The following PATJ variants were observed in gnomAD, a reference collection of about 807,000 sequenced individuals.
PATJ encodes the protein PATJ crumbs cell polarity complex component, also known as inaD-like protein.
PATJ carries 190 observed loss-of-function variants against 224.9 expected under a neutral mutation model. The observed-to-expected ratio is 0.84, with a 90% confidence interval of 0.75 to 0.95. PATJ has a LOEUF of 0.95. Among genes scored for constraint, PATJ ranks in the 40% least tolerant of loss-of-function variants. The probability of loss-of-function intolerance (pLI) is 0.00; values close to 1 mark genes in which losing one functional copy is unlikely to be tolerated. For missense variants in PATJ, 2,121 were observed against 2,270.3 expected (o/e 0.93, Z 1.34); for synonymous variants, 769 against 820.3 (o/e 0.94, Z 1.07).
In PATJ at chr1:62,121,152, C is replaced by A. The variant is rs138839083; in HGVS notation, c.4891-29C>A. 133 of 1,463,034 alleles carry A rather than the reference C, an allele frequency of 9.1e-5. 1 individual carries two copies. In the African/African-American group the frequency reaches 1.5e-3, roughly 16 times the overall value. 90.6% of individuals were successfully genotyped at this position (1,463,034 alleles called of 1,614,324 possible). On this transcript the variant is annotated intron_variant, in intron 37 of 43. Coordinates refer to ENST00000642238, the MANE Select transcript of PATJ (RefSeq NM_001350145.3). ...TTAGGGGGTCAAGTCAGTGTCTGCA[C>A]ACAGGTGACCCCTGGGTCTTTCTTT...
At position 62,128,849 on chromosome 1, in the gene PATJ, T is replaced by C; in HGVS notation, c.5175T>C (p.Asp1725=). 2 of 1,609,002 alleles carry C rather than the reference T, an allele frequency of 1.2e-6. No homozygotes were observed. The highest frequency in any genetic ancestry group is 1.7e-6 in the Non-Finnish European group (2 of 1,175,444). The change falls in exon 41 of 44, where the codon GAT becomes GAC. Residue 1725 remains aspartate (D), a synonymous_variant. Coordinates refer to ENST00000642238, the MANE Select transcript of PATJ (RefSeq NM_001350145.3). ...AARTQKLKVG[D]RIVSINGQPL... is the part of the protein sequence containing the mutation. ...CATTTTTGTACTTCCAGGTTGGAGA[T>C]CGGATTGTCAGCATTAACGGGCAAC...
intron 43 of PATJ, among the ~76,000 whole-genome samples, chr1:62,154,285 A>G (rs1251858702): frequency 2.0e-5 from 3 of 152,044 alleles, no homozygotes; most frequent in Non-Finnish European, 4.4e-5. Context: ...TTTCAAATTG[A>G]TACTACAGTT....
intron 34 of PATJ, among the ~76,000 whole-genome samples, chr1:62,112,681 T>C (rs904268886): frequency 6.6e-6 from 1 of 152,232 alleles, no homozygotes; most frequent in African/African-American, 2.4e-5. Flanking sequence ...GCTGGACTTA[T>C]CCTTCCCCTC....
At chr1:61,766,896 T>C (rs952230773) in intron 4 of PATJ, among the ~76,000 whole-genome samples, 4 of 152,030 alleles carry the variant, frequency 2.6e-5, no homozygotes, top group Non-Finnish European at 4.4e-5. Flanking sequence ...AGTTTGAGAC[T>C]AGCCCGACCA....
chr1:61,887,038 G>A (rs1276242336), intron 22 of PATJ, among the ~76,000 whole-genome samples: 3 of 150,690 alleles, frequency 2.0e-5, no homozygotes, highest in Admixed American at 2.0e-4. Context: ...CAAGGCAATG[G>A]GAAAATATAT....
At chr1:62,105,517 G>A (rs887844871) in intron 33 of PATJ, among the ~76,000 whole-genome samples, 2 of 152,028 alleles carry the variant, frequency 1.3e-5, no homozygotes, top group Non-Finnish European at 2.9e-5. Context: ...CATTAGTGTC[G>A]CAGGGATCAC....
intron 27 of PATJ, among the ~76,000 whole-genome samples, chr1:61,956,465 C>T (rs1486537272): frequency 6.6e-6 from 1 of 152,058 alleles, no homozygotes; most frequent in African/African-American, 2.4e-5. Flanking sequence ...AGTGCAGGTA[C>T]AAGAGCAGGC....
At chr1:62,015,773 G>A (rs984420963) in intron 28 of PATJ, among the ~76,000 whole-genome samples, 1 of 152,120 alleles carries the variant, frequency 6.6e-6, no homozygotes, top group Admixed American at 6.5e-5. Context: ...CTGGAATGCA[G>A]TGGCGCCATC....
intron 22 of PATJ, among the ~76,000 whole-genome samples, chr1:61,896,862 A>G (rs1670445701): frequency 2.0e-5 from 3 of 152,266 alleles, no homozygotes; most frequent in Admixed American, 6.5e-5. Flanking sequence ...ACCTTCTGCC[A>G]TGTTTGTAAG....
chr1:61,949,215 TAAAAAA>T (rs766673205), intron 27 of PATJ, among the ~76,000 whole-genome samples: 7 of 145,314 alleles, frequency 4.8e-5, no homozygotes, highest in Non-Finnish European at 1.1e-4. Flanking sequence ...AGTATAATAA[TAAAAAA>T]AAAGAAAAAA....
chr1:61,826,132 G>A (rs1453699504), intron 15 of PATJ, among the ~76,000 whole-genome samples: 3 of 152,226 alleles, frequency 2.0e-5, no homozygotes, highest in African/African-American at 7.2e-5. Context: ...TCTTTACCAT[G>A]TGGTGGTTTC....
At chr1:61,750,678 T>C (rs755875890) in intron 1 of PATJ, among the ~76,000 whole-genome samples, 6 of 151,976 alleles carry the variant, frequency 3.9e-5, no homozygotes, top group Non-Finnish European at 8.8e-5. Context: ...CAACCTCAGG[T>C]GTTCTGCCTG....
intron 1 of PATJ, among the ~76,000 whole-genome samples, chr1:61,756,325 C>A (rs956574790): frequency 6.6e-6 from 1 of 152,006 alleles, no homozygotes; most frequent in Admixed American, 6.6e-5. Context: ...CACTTTTGCA[C>A]CTGTATGCAG....
At chr1:62,013,613 A>T (rs1411661776) in intron 28 of PATJ, 10 of 634,666 alleles carry the variant, frequency 1.6e-5, no homozygotes, top group Non-Finnish European at 2.0e-5. Flanking sequence ...GTGCAAGAAG[A>T]GAAATTTTTT....
rs115012938 is a variant in PATJ at position 62,013,313 on chromosome 1, T to A, written c.3868-4543T>A. 2,372 of 984,730 alleles carry A rather than the reference T, an allele frequency of 2.4e-3. 53 individuals are homozygous for A. In the African/African-American group the frequency reaches 0.038, roughly 16 times the overall value. The allele number at this position is 984,730 out of a possible 1,614,324, so 61.0% of individuals were successfully genotyped here. Reference sequence around the variant, plus strand: ...TTTCCTACATGCTCAAGCGTTTTGCTGATCAAAACCATTTTTTTTTTAACC... The same window carrying A: ...TTTCCTACATGCTCAAGCGTTTTGCAGATCAAAACCATTTTTTTTTTAACC... On this transcript the variant is annotated intron_variant, in intron 28 of 43. Transcript: ENST00000642238.
At chr1:62,010,288 A>C (rs979792281) in intron 28 of PATJ, among the ~76,000 whole-genome samples, 10 of 151,096 alleles carry the variant, frequency 6.6e-5, no homozygotes, top group African/African-American at 2.4e-4. Context: ...AAAGTCATTC[A>C]TGAGAGTTGT....
At chr1:61,856,842 C>G (rs903878396) in intron 18 of PATJ, among the ~76,000 whole-genome samples, 1 of 152,196 alleles carries the variant, frequency 6.6e-6, no homozygotes, top group African/African-American at 2.4e-5. Flanking sequence ...ATCTGCCTGC[C>G]TTGGCCTCCC....
intron 5 of PATJ, among the ~76,000 whole-genome samples, chr1:61,770,465 C>A (rs1646534904): frequency 6.6e-6 from 1 of 152,126 alleles, no homozygotes; most frequent in Admixed American, 6.6e-5. Flanking sequence ...TTACTAAGTA[C>A]TTTAAAAGGT....
At chr1:61,838,377 T>C (rs574767720) in intron 17 of PATJ, among the ~76,000 whole-genome samples, 45 of 151,666 alleles carry the variant, frequency 3.0e-4, no homozygotes, top group Non-Finnish European at 4.3e-4. Context: ...TTTTTTGAGA[T>C]GGAGTCTTGC....
Sources: allele counts gnomAD v4.1 joint callset (sites outside exome capture counted in the v4.1 genomes callset), GRCh38; gene constraint gnomAD v4.1.1; transcripts MANE v1.5; gene names NCBI Gene and HGNC (gene_info 2026-07-23, HGNC 2026-07-21).